The following COPB2 variants were observed in gnomAD, a reference collection of about 807,000 sequenced individuals.
COPB2 encodes the protein coatomer subunit beta'.
In COPB2, 16 loss-of-function variants were observed where a neutral mutation model predicts 120.8. The observed-to-expected ratio is 0.13, with a 90% CI of 0.09 to 0.20. COPB2 has a LOEUF of 0.20. COPB2 is among the 10% of genes least tolerant of loss of function. The pLI, the probability that COPB2 is intolerant of heterozygous loss-of-function variation, is 1.00. For synonymous variants in COPB2, 332 were observed against 366.3 expected (o/e 0.91, Z 1.07); for missense variants, 794 against 1,076.5 (o/e 0.74, Z 3.67).
chr3:139,367,131 A>C lies in COPB2; in HGVS notation c.1560T>G (p.Ile520Met). ...AAAGCCCTGTTTTCACAATTTCCTG[A>C]ATCTCACCAAGAACCTGCAGAAAGA... ...IEDAFEVLGEIQEIVKTGLWV... is the reference protein window; with the variant it reads ...IEDAFEVLGEMQEIVKTGLWV... The change falls in exon 14 of 22, where the codon ATT (isoleucine) becomes ATG (methionine). Residue 520 changes from isoleucine to methionine, a missense_variant. Ile to Met is a conservative substitution (Grantham distance 10). This residue lies in a region of COPB2 where 610 missense variants were observed against 866.7 expected (regional missense o/e 0.70). Transcript: ENST00000333188. 1.9e-6 allele frequency: 3 copies of C among 1,613,694 alleles called. No homozygotes were observed. The highest frequency in any genetic ancestry group is 2.5e-6 in the Non-Finnish European group (3 of 1,179,822).
intron 5 of COPB2, among the ~76,000 whole-genome samples, chr3:139,377,412 T>A (rs1358632006): frequency 1.3e-5 from 2 of 152,124 alleles, no homozygotes; most frequent in African/African-American, 4.8e-5. Context: ...TATATCAAAA[T>A]AGGAAAATAA....
rs535034494 is a variant in COPB2, at chr3:139,381,168, T to A, written c.142-1702A>T. Reference sequence around the variant, plus strand: ...TAATATCATCTTCACTTCAGATAAATAAAGAGGCTCAGCATGGTTAAAAGG... The same window carrying A: ...TAATATCATCTTCACTTCAGATAAAAAAAGAGGCTCAGCATGGTTAAAAGG... On this transcript the variant is annotated intron_variant, in intron 2 of 21. Transcript: ENST00000333188. 3 of 152,320 alleles carry A rather than the reference T, an allele frequency of 2.0e-5. No individual in the cohort carries two copies. The South Asian group carries it at 6.2e-4, about 32-fold the overall frequency. The allele number at this position is 152,320 out of a possible 1,614,324, so 9.4% of individuals were successfully genotyped here.
rs114865066 is a variant in COPB2 at position 139,371,106 on chromosome 3, C to T, written c.1205+617G>A. ...AACACTAAACCCCTAATGTTTATTA[C>T]GTGCATTAAACAGGAATCAAAAAGG... On this transcript the variant is annotated intron_variant, in intron 10 of 21. Coordinates refer to ENST00000333188, the MANE Select transcript of COPB2 (RefSeq NM_004766.3). Among the ~76,000 whole-genome samples, 493 of 152,232 alleles carry T rather than the reference C, an allele frequency of 3.2e-3. 3 individuals carry two copies. The highest frequency in any genetic ancestry group is 0.011 in the African/African-American group (477 of 41,518).
intron 7 of COPB2, 46 bp downstream of exon 7, chr3:139,374,443 A>G (rs1004602650): frequency 6.8e-7 from 1 of 1,471,646 alleles, no homozygotes; most frequent in Admixed American, 1.7e-5. Flanking sequence ...TTAAATGCCC[A>G]CTGAGTAGTT....
rs572121660 is a variant in COPB2 at position 139,369,196 on chromosome 3, C to T, written c.1401+65G>A. 25 of 1,303,616 alleles carry T rather than the reference C, an allele frequency of 1.9e-5. No homozygotes were observed. The Admixed American group carries it at 4.0e-4, about 21-fold the overall frequency. 80.8% of individuals were successfully genotyped at this position (1,303,616 alleles called of 1,614,324 possible). Reference sequence around the variant, plus strand: ...CAGGGTACAAAAGACACTTCTTGGCCTTAGGGACCCAGAACTCATCACAAA... The same window carrying T: ...CAGGGTACAAAAGACACTTCTTGGCTTTAGGGACCCAGAACTCATCACAAA... On this transcript the variant is annotated intron_variant, in intron 12 of 21. Coordinates refer to ENST00000333188, the MANE Select transcript of COPB2 (RefSeq NM_004766.3).
In COPB2 at chr3:139,379,544, T is replaced by A; in HGVS notation, c.142-78A>T. ...AATCTACTCTGTTATATTTCAAACATCCAATTTTTAAGATCACTTCTCATT... is the reference window on the plus strand; with the variant it reads ...AATCTACTCTGTTATATTTCAAACAACCAATTTTTAAGATCACTTCTCATT... On this transcript the variant is annotated intron_variant, in intron 2 of 21. Coordinates refer to ENST00000333188, the MANE Select transcript of COPB2 (RefSeq NM_004766.3). 2.5e-6 allele frequency: 3 copies of A among 1,178,504 alleles called. No individual in the cohort carries two copies. The East Asian group carries it at 7.3e-5, about 28-fold the overall frequency. 73.0% of individuals were successfully genotyped at this position (1,178,504 alleles called of 1,614,324 possible).
In COPB2 at chr3:139,357,474, T is replaced by G. The variant is rs1272194012; in HGVS notation, c.*389A>C. ...GATTGACAACATTTGAAAATGCAGA[T>G]TTAGTTATACAAAGAAAAGACAGTG... is the stretch of plus-strand genomic sequence containing the variant. On this transcript the variant is annotated 3_prime_UTR_variant, in exon 22 of 22. Coordinates refer to ENST00000333188, the MANE Select transcript of COPB2 (RefSeq NM_004766.3). 5.4e-6 allele frequency: 1 copy of G among 186,008 alleles called. No individual in the cohort carries two copies. Among genetic ancestry groups the G allele is most frequent in the Non-Finnish European group, 1.1e-5 (1 of 90,694 alleles). 11.5% of individuals were successfully genotyped at this position (186,008 alleles called of 1,614,324 possible).
chr3:139,361,764 C>T (rs1941423622), intron 16 of COPB2, among the ~76,000 whole-genome samples: 1 of 152,196 alleles, frequency 6.6e-6, no homozygotes, highest in Admixed American at 6.5e-5. Context: ...ATTTATTTTG[C>T]ACATCTGAAA....
intron 15 of COPB2, among the ~76,000 whole-genome samples, chr3:139,365,563 T>G (rs949921222): frequency 6.6e-6 from 1 of 151,956 alleles, no homozygotes; most frequent in African/African-American, 2.4e-5. Flanking sequence ...GATAGGGGTA[T>G]AAGAAACAAT....
intron 1 of COPB2, 119 bp downstream of exon 1, chr3:139,389,429 T>C (rs1437842209): frequency 3.7e-6 from 5 of 1,357,044 alleles, no homozygotes; most frequent in East Asian, 5.7e-5. Flanking sequence ...CCGCAAGGCC[T>C]GAGGCGGCGG....
chr3:139,371,653 G>A (rs780201264), intron 10 of COPB2, 70 bp downstream of exon 10: 4 of 1,300,928 alleles, frequency 3.1e-6, no homozygotes, highest in African/African-American at 1.5e-5. Context: ...ATCAAGCCTT[G>A]AGAGTCTTCA....
At chr3:139,366,831 A>T in intron 14 of COPB2, 56 bp from the exon 15 acceptor site, 1 of 1,560,534 alleles carries the variant, frequency 6.4e-7, no homozygotes, top group Non-Finnish European at 8.8e-7. Flanking sequence ...ACACAAACAC[A>T]CACCCCGCCA....
rs1207562280 is a variant in COPB2 at position 139,378,077 on chromosome 3, ATTG to A, written c.465_467del (p.Asn156del). The A allele has an allele frequency of 1.3e-6, 2 of 1,579,938 alleles. No individual in the cohort carries two copies. On this transcript the variant is annotated inframe_deletion, in exon 5 of 22. Coordinates refer to ENST00000333188, the MANE Select transcript of COPB2 (RefSeq NM_004766.3). Reference sequence around the variant, plus strand: ...TGTCCAAAGAGGCACTGGCAAACTGATTGTTATCTTTGGGGTTGATCACAATCT... The same window carrying A: ...TGTCCAAAGAGGCACTGGCAAACTGATTATCTTTGGGGTTGATCACAATCT...
chr3:139,380,731 T>G (rs1323787726), intron 2 of COPB2: 1 of 152,220 alleles, frequency 6.6e-6, no homozygotes, highest in African/African-American at 2.4e-5. Flanking sequence ...AAGCCAGAGT[T>G]CAAAGATTCT....
chr3:139,377,090 T>C (rs1941727763), intron 5 of COPB2, among the ~76,000 whole-genome samples: 1 of 152,194 alleles, frequency 6.6e-6, no homozygotes, highest in Non-Finnish European at 1.5e-5. Flanking sequence ...AGAAGCATGA[T>C]TGCCCTCACT....
chr3:139,388,548 A>T (rs1041955758), intron 1 of COPB2, among the ~76,000 whole-genome samples: 10 of 151,570 alleles, frequency 6.6e-5, no homozygotes, highest in Non-Finnish European at 1.3e-4. Flanking sequence ...ATTTAAAAAA[A>T]TTTTTTAACT....
chr3:139,375,647 T>C lies in COPB2; in HGVS notation c.505-33A>G, dbSNP rs370694510. ...GAGAAACAGCATCGGCCAGTCAATA[T>C]GGGGCCTTGCTTTACAAAAGGCAAA... On this transcript the variant is annotated intron_variant, in intron 5 of 21. Transcript: ENST00000333188. 8.7e-6 allele frequency: 14 copies of C among 1,604,498 alleles called. No individual in the cohort carries two copies. The African/African-American group carries it at 1.1e-4, about 12-fold the overall frequency.
In COPB2 at chr3:139,375,463, T is replaced by G. The variant is rs374042345; in HGVS notation, c.651+5A>C. The G allele has an allele frequency of 1.6e-4, 253 of 1,609,788 alleles. No homozygotes were observed. The highest frequency in any genetic ancestry group is 2.1e-4 in the Non-Finnish European group (249 of 1,177,342). On this transcript the variant is annotated splice_donor_5th_base_variant and intron_variant, in intron 6 of 21. Coordinates refer to ENST00000333188, the MANE Select transcript of COPB2 (RefSeq NM_004766.3). ...ATATGGAAGTAAGGTTATGAAAAAC[T>G]GTACCTGATAATCCCATATTTTAAC...
At chr3:139,367,271 G>C in intron 13 of COPB2, 126 bp from the exon 14 acceptor site, 15 of 962,120 alleles carry the variant, frequency 1.6e-5, no homozygotes, top group East Asian at 3.3e-5. Flanking sequence ...CCTATTTCTA[G>C]AAAAAAAAAA....
Sources: gnomAD v4.1 joint callset for allele counts (sites outside exome capture counted in the v4.1 genomes callset) on GRCh38, gnomAD v4.1.1 for gene constraint, gnomAD v4.1.1 regional missense constraint, MANE v1.5 for transcripts, NCBI Gene and HGNC (gene_info 2026-07-23, HGNC 2026-07-21) for gene names.